The following CADPS variants were observed in gnomAD, a reference collection of about 807,000 sequenced individuals.
The protein encoded by CADPS is calcium dependent secretion activator.
A neutral mutation model predicts 167.3 loss-of-function variants in CADPS; 57 were observed. The ratio of observed to expected loss-of-function variants is 0.34; its 90% CI spans 0.28 to 0.42. CADPS has a LOEUF of 0.42. CADPS is among the 20% of genes least tolerant of loss of function. CADPS has a pLI of 1.00. For missense variants in CADPS, 1,414 were observed against 1,738.1 expected, an observed-to-expected ratio of 0.81 and a Z score of 3.32; for synonymous variants, 676 against 635.3, an observed-to-expected ratio of 1.06 and a Z score of -0.96.
intron 8 of CADPS, among the ~76,000 whole-genome samples, chr3:62,578,482 C>T (rs1422409084): frequency 6.6e-6 from 1 of 151,636 alleles, no homozygotes; most frequent in Admixed American, 6.6e-5. Flanking sequence ...TGGTGGCGGG[C>T]ACCTGTAGTC....
At chr3:62,456,871 G>A (rs2058746322) in intron 26 of CADPS, among the ~76,000 whole-genome samples, 1 of 151,918 alleles carries the variant, frequency 6.6e-6, no homozygotes, top group African/African-American at 2.4e-5. Flanking sequence ...GGCTACCAAT[G>A]TGACATCCCT....
intron 8 of CADPS, 34 bp downstream of exon 8, chr3:62,585,151 G>A: frequency 6.2e-7 from 1 of 1,607,454 alleles, no homozygotes. Context: ...ACAGACGTGT[G>A]TCCAAAACTG....
chr3:62,445,719 A>AC (rs1190496606), intron 27 of CADPS, 46 bp downstream of exon 27: 1 of 1,377,080 alleles, frequency 7.3e-7, no homozygotes, highest in Non-Finnish European at 9.9e-7. Flanking sequence ...AATGAAAAAA[A>AC]AAAAAAACAA....
At chr3:62,748,344 CAAAAAAAAAAA>C (rs60942307) in intron 3 of CADPS, among the ~76,000 whole-genome samples, 5 of 48,510 alleles carry the variant, frequency 1.0e-4, no homozygotes, top group Admixed American at 3.6e-4. Context: ...GACTCCGTCT[CAAAAAAAAAAA>C]AAAAAAAAAA....
chr3:62,451,133 C>G (rs1177674028), intron 26 of CADPS, among the ~76,000 whole-genome samples: 1 of 152,034 alleles, frequency 6.6e-6, no homozygotes, highest in African/African-American at 2.4e-5. Flanking sequence ...AAAATAGTTT[C>G]TCTGGCTTGA....
intron 1 of CADPS, among the ~76,000 whole-genome samples, chr3:62,776,676 CA>C (rs2090394383): frequency 6.6e-6 from 1 of 151,994 alleles, no homozygotes; most frequent in Non-Finnish European, 1.5e-5. Context: ...ACAACAACAA[CA>C]AAAGCATGCA....
At chr3:62,538,475 C>G (rs1218856075) in intron 11 of CADPS, among the ~76,000 whole-genome samples, 1 of 152,266 alleles carries the variant, frequency 6.6e-6, no homozygotes, top group Middle Eastern at 3.4e-3. Flanking sequence ...TCAGGAGAAA[C>G]TAAGCATGGG....
At position 62,779,717 on chromosome 3, in the gene CADPS, C is replaced by G. The variant is rs559166575; in HGVS notation, c.442-13733G>C. The stretch of plus-strand genomic sequence containing the variant: ...GATCAATAACATCTACAGTTGTGAC[C>G]AGTTTTCCAGCCTAAGGTCCAAGGA... On this transcript the variant is annotated intron_variant, in intron 1 of 29. Transcript: ENST00000383710. The G allele has an allele frequency of 3.6e-5, 15 of 418,908 alleles. No homozygotes were observed. In the East Asian group the frequency reaches 9.6e-4, roughly 27 times the overall value. 25.9% of individuals were successfully genotyped at this position (418,908 alleles called of 1,614,324 possible).
rs9809296 is a variant in CADPS at position 62,445,371 on chromosome 3, T to C, written c.3669+394A>G. Among the ~76,000 whole-genome samples the C allele has an allele frequency of 5.1e-3, 781 of 152,310 alleles. 3 individuals carry two copies. Among genetic ancestry groups the C allele is most frequent in the African/African-American group, 0.018 (752 of 41,568 alleles). On this transcript the variant is annotated intron_variant, in intron 27 of 29. Coordinates refer to ENST00000383710, the MANE Select transcript of CADPS (RefSeq NM_003716.4). ...TGCAAAACCACAATTAAGTTTTTCA[T>C]CAACCTAACAAAAAATACTATCACC...
At chr3:62,660,655 G>C (rs1299638890) in intron 4 of CADPS, among the ~76,000 whole-genome samples, 1 of 152,074 alleles carries the variant, frequency 6.6e-6, no homozygotes. Context: ...AAAGTGAAAA[G>C]CTCTACCCTG....
chr3:62,687,589 C>T (rs1425153527), intron 3 of CADPS, among the ~76,000 whole-genome samples: 1 of 149,378 alleles, frequency 6.7e-6, no homozygotes, highest in Non-Finnish European at 1.5e-5. Flanking sequence ...GATGAATTGG[C>T]TTGAAGATTT....
intron 2 of CADPS, among the ~76,000 whole-genome samples, chr3:62,759,326 G>T (rs73102288): frequency 6.6e-6 from 1 of 152,026 alleles, no homozygotes; most frequent in African/African-American, 2.4e-5. Flanking sequence ...CCTACTATTC[G>T]GCTAAGAATG....
intron 3 of CADPS, among the ~76,000 whole-genome samples, chr3:62,697,391 G>C (rs1055360964): frequency 6.6e-6 from 1 of 151,938 alleles, no homozygotes; most frequent in Non-Finnish European, 1.5e-5. Context: ...AGTTACTTCA[G>C]TAACTTAGTC....
At chr3:62,867,381 A>C (rs909102504) in intron 1 of CADPS, among the ~76,000 whole-genome samples, 1 of 152,028 alleles carries the variant, frequency 6.6e-6, no homozygotes, top group African/African-American at 2.4e-5. Context: ...TCCCATGTAC[A>C]TGTGCTTGGC....
chr3:62,606,967 A>G (rs2060777624), intron 6 of CADPS, among the ~76,000 whole-genome samples: 1 of 152,254 alleles, frequency 6.6e-6, no homozygotes, highest in East Asian at 1.9e-4. Flanking sequence ...ACTGATTTTC[A>G]GATGACAAAT....
intron 2 of CADPS, among the ~76,000 whole-genome samples, chr3:62,754,249 T>G (rs1192636382): frequency 6.6e-6 from 1 of 152,182 alleles, no homozygotes; most frequent in Non-Finnish European, 1.5e-5. Flanking sequence ...CACAGCTCAC[T>G]GTAACCTCCA....
chr3:62,719,874 T>C (rs1448979334), intron 3 of CADPS, among the ~76,000 whole-genome samples: 2 of 152,212 alleles, frequency 1.3e-5, no homozygotes, highest in Admixed American at 1.3e-4. Flanking sequence ...ACTTCTGGCC[T>C]ATGAGTTGTG....
chr3:62,745,353 G>A (rs922476881), intron 3 of CADPS, among the ~76,000 whole-genome samples: 3 of 152,150 alleles, frequency 2.0e-5, no homozygotes, highest in Non-Finnish European at 4.4e-5. Context: ...CATTACAGAC[G>A]TGAGCCACTA....
chr3:62,483,948 C>T (rs2062411842), intron 21 of CADPS, among the ~76,000 whole-genome samples: 1 of 152,130 alleles, frequency 6.6e-6, no homozygotes, highest in African/African-American at 2.4e-5. Flanking sequence ...TTAAAAGTAG[C>T]TAGGAGTGCA....
Sources: allele counts gnomAD v4.1 joint callset (sites outside exome capture counted in the v4.1 genomes callset), GRCh38; gene constraint gnomAD v4.1.1; transcripts MANE v1.5; gene names NCBI Gene and HGNC (gene_info 2026-07-23, HGNC 2026-07-21).